Variants in ZNF732 observed in about 807,000 individuals in gnomAD.
ZNF732 encodes zinc finger protein 732, also known as zinc finger protein LOC654254.
A neutral mutation model predicts 11.5 loss-of-function variants in ZNF732; 12 were observed. The observed-to-expected ratio is 1.05, with a 90% CI of 0.67 to 1.70. The LOEUF (loss-of-function observed/expected upper bound fraction) is 1.70, where lower values mean the gene tolerates loss of function less well. Ranked by LOEUF, ZNF732 falls within the 40% of genes most tolerant of loss-of-function variation. The pLI, the probability that ZNF732 is intolerant of heterozygous loss-of-function variation, is 0.00. For missense variants in ZNF732, 702 were observed against 676.9 expected (o/e 1.04, Z -0.41); for synonymous variants, 231 against 236.5 (o/e 0.98, Z 0.21).
Position 274,863 on chromosome 4 carries a change from G to A in ZNF732, c.227-2233C>T, listed in dbSNP as rs188227685. On this transcript the variant is annotated intron_variant, in intron 3 of 3. Transcript: ENST00000419098. ...TAATGACAAACATGTCTATACATAC[G>A]TTAATATGTGTGTGTGTCTCCCCCA... 1.2e-3 allele frequency among the ~76,000 whole-genome samples: 175 copies of A among 151,720 alleles called. 2 individuals are homozygous for A. The highest frequency in any genetic ancestry group is 4.0e-3 in the African/African-American group (166 of 41,526).
intron 3 of ZNF732, among the ~76,000 whole-genome samples, chr4:291,817 T>G (rs1719847297): frequency 6.6e-6 from 1 of 152,128 alleles, no homozygotes; most frequent in Non-Finnish European, 1.5e-5. Flanking sequence ...ATTTTAAACT[T>G]TATTTAAAGG....
chr4:270,729 G>A lies in ZNF732; in HGVS notation c.*370C>T. 1 of 427,980 alleles carries A rather than the reference G, an allele frequency of 2.3e-6. No individual in the cohort carries two copies. Among genetic ancestry groups the A allele is most frequent in the Non-Finnish European group, 4.5e-6 (1 of 221,458 alleles). The allele number at this position is 427,980 out of a possible 1,614,324, so 26.5% of individuals were successfully genotyped here. A position where few individuals can be genotyped will look rare whatever the true frequency, so the allele number is the denominator to read the frequency against. ...TTTTCTCATGTTTATTTATGGGTGA[G>A]GACCGTTTATAGGCTTTCCCACATT... On this transcript the variant is annotated 3_prime_UTR_variant, in exon 4 of 4. Coordinates refer to ENST00000419098, the MANE Select transcript of ZNF732 (RefSeq NM_001137608.3).
intron 3 of ZNF732, among the ~76,000 whole-genome samples, chr4:288,760 T>C (rs1553840968): frequency 2.9e-4 from 44 of 152,278 alleles, no homozygotes. Context: ...AAAAATATTT[T>C]TCCAAAAAGT....
rs1719946138 is a variant in ZNF732 at position 296,093 on chromosome 4, G to A, written c.66C>T (p.Asp22=). The A allele has an allele frequency of 1.2e-6, 2 of 1,613,848 alleles. No individual in the cohort carries two copies. The highest frequency in any genetic ancestry group is 8.5e-7 in the Non-Finnish European group (1 of 1,179,922). Residue 22 remains aspartate, a synonymous_variant, in exon 2 of 4, where the codon GAC becomes GAT. Transcript: ENST00000419098. ...EFSPEEWKCL[D]PAQQNLYRDV... ...CTCTATACAAATTCTGCTGGGCAGG[G>A]TCCAGGCATTTCCACTCTTCTGGAG...
chr4:271,963 T>C lies in ZNF732; in HGVS notation c.894A>G (p.Lys298=). The change falls in exon 4 of 4, where the codon AAA becomes AAG. Residue 298 remains lysine, a synonymous_variant. Transcript: ENST00000419098. ...TSSSNVAKHK[K]IHTGEKLYKC... ...TGTAGAGTTTCTCTCCGGTATGAAT[T>C]TTCTTATGTTTGGCAACATTTGAGG... The C allele has an allele frequency of 6.2e-7, 1 of 1,607,076 alleles. No individual in the cohort carries two copies. The highest frequency in any genetic ancestry group is 8.5e-7 in the Non-Finnish European group (1 of 1,176,438).
intron 3 of ZNF732, among the ~76,000 whole-genome samples, chr4:289,060 A>G (rs1403858411): frequency 6.6e-6 from 1 of 152,256 alleles, no homozygotes; most frequent in Non-Finnish European, 1.5e-5. Flanking sequence ...GGAGGCCCCA[A>G]AAAGCTTCCA....
At chr4:303,900 G>C (rs1720171767) in intron 1 of ZNF732, among the ~76,000 whole-genome samples, 1 of 152,196 alleles carries the variant, frequency 6.6e-6, no homozygotes, top group African/African-American at 2.4e-5. Flanking sequence ...GGTGGGGACA[G>C]GGCAGGACTG....
At position 272,168 on chromosome 4, in the gene ZNF732, T is replaced by C. The variant is rs1207478612; in HGVS notation, c.689A>G (p.Asn230Ser). Residue 230 changes from asparagine (N) to serine (S), a missense_variant, in exon 4 of 4, where the codon AAC becomes AGC. Around this residue, in one of 3 missense-constraint regions of ZNF732, gnomAD observed 596 missense variants for 557.9 expected, o/e 1.07. Coordinates refer to ENST00000419098, the MANE Select transcript of ZNF732 (RefSeq NM_001137608.3). The part of the protein sequence containing the change: ...EKPFTCEECG[N>S]IFTTSSNFAK... ...AAAGTTTGAGGATGTGGTAAAGATGTTGCCACATTCTTCACATGTGAAGGG... is the reference window on the plus strand; with the variant it reads ...AAAGTTTGAGGATGTGGTAAAGATGCTGCCACATTCTTCACATGTGAAGGG... 6 of 1,613,422 alleles carry C rather than the reference T, an allele frequency of 3.7e-6. No individual in the cohort carries two copies. The Admixed American group carries it at 5.0e-5, about 13-fold the overall frequency.
intron 3 of ZNF732, among the ~76,000 whole-genome samples, chr4:278,222 C>A (rs1553839065): frequency 1.3e-5 from 2 of 152,022 alleles, no homozygotes; most frequent in Non-Finnish European, 1.5e-5. Context: ...TTTTTGAATA[C>A]AACATCAAAG....
At position 271,004 on chromosome 4, in the gene ZNF732, TC is replaced by T. The variant is rs1719339773; in HGVS notation, c.*94del. ...GGACCATCCAAAAGCTTTGCCACAT[TC>T]TTCACATTTGTATAGTTTATTTCCA... On this transcript the variant is annotated 3_prime_UTR_variant, in exon 4 of 4. Transcript: ENST00000419098. The T allele has an allele frequency of 1.8e-6, 2 of 1,089,868 alleles. No individual in the cohort carries two copies. Among genetic ancestry groups the T allele is most frequent in the Admixed American group, 2.5e-5 (1 of 40,182 alleles). 67.5% of individuals were successfully genotyped at this position (1,089,868 alleles called of 1,614,324 possible).
chr4:305,072 C>T (rs985657633), intron 1 of ZNF732, among the ~76,000 whole-genome samples: 3 of 152,204 alleles, frequency 2.0e-5, no homozygotes, highest in Admixed American at 1.3e-4. Flanking sequence ...CACCCCACAG[C>T]CCAGGGAAGG....
chr4:304,715 C>G (rs536381771), intron 1 of ZNF732, among the ~76,000 whole-genome samples: 169 of 152,354 alleles, frequency 1.1e-3, no homozygotes, highest in African/African-American at 3.9e-3. Context: ...TGTGCGCGCC[C>G]ACACCAGCGT....
chr4:293,282 G>GTATATATATA (rs139781518), intron 3 of ZNF732, among the ~76,000 whole-genome samples: 3 of 140,264 alleles, frequency 2.1e-5, no homozygotes, highest in African/African-American at 8.0e-5. Context: ...ATATGTATGT[G>GTATATATATA]TATATATATA....
At chr4:303,358 T>C (rs1380804440) in intron 1 of ZNF732, among the ~76,000 whole-genome samples, 4 of 152,160 alleles carry the variant, frequency 2.6e-5, no homozygotes, top group South Asian at 2.1e-4. Flanking sequence ...CATCTCAAAG[T>C]GTGGCGTTTT....
At chr4:289,438 T>C (rs1719796121) in intron 3 of ZNF732, among the ~76,000 whole-genome samples, 1 of 152,276 alleles carries the variant, frequency 6.6e-6, no homozygotes, top group South Asian at 2.1e-4. Context: ...GCTCTCCATC[T>C]TGATTTATGC....
At chr4:273,743 C>CA (rs1378571413) in intron 3 of ZNF732, among the ~76,000 whole-genome samples, 1 of 151,776 alleles carries the variant, frequency 6.6e-6, no homozygotes, top group Non-Finnish European at 1.5e-5. Context: ...TCAAAAACGA[C>CA]ATCTTAGGAG....
At chr4:287,318 G>A (rs1344318119) in intron 3 of ZNF732, among the ~76,000 whole-genome samples, 1 of 151,314 alleles carries the variant, frequency 6.6e-6, no homozygotes, top group South Asian at 2.1e-4. Context: ...GGGTTGAGGT[G>A]ATTCTCCTGC....
At position 271,149 on chromosome 4, in the gene ZNF732, A is replaced by C. The variant is rs1553837195; in HGVS notation, c.1708T>G (p.Ser570Ala). 1.3e-6 allele frequency: 2 copies of C among 1,543,678 alleles called. No homozygotes were observed. Among genetic ancestry groups the C allele is most frequent in the Non-Finnish European group, 1.7e-6 (2 of 1,144,800 alleles). ...CKGCGKAFKWSSYLNQHNKIY... is the reference protein window; with the variant it reads ...CKGCGKAFKWASYLNQHNKIY... ...TTATTATGTTGATTAAGGTATGAGG[A>C]CCACTTAAAGGCTTTGCCACATCCT... The change falls in exon 4 of 4, where the codon TCC becomes GCC. Residue 570 changes from serine (S) to alanine (A), a missense_variant. Physicochemically the swap from Ser to Ala is moderately conservative, Grantham distance 99. This residue lies in a region of ZNF732 where 94 missense variants were observed against 87.5 expected (regional missense o/e 1.07). Coordinates refer to ENST00000419098, the MANE Select transcript of ZNF732 (RefSeq NM_001137608.3).
chr4:273,870 A>G (rs1210635008), intron 3 of ZNF732, among the ~76,000 whole-genome samples: 3 of 147,566 alleles, frequency 2.0e-5, no homozygotes, highest in East Asian at 2.0e-4. Flanking sequence ...GGTGCTAGGA[A>G]AAAAAAAAAA....
Sources: gnomAD v4.1 joint callset for allele counts (sites outside exome capture counted in the v4.1 genomes callset) on GRCh38, gnomAD v4.1.1 for gene constraint, gnomAD v4.1.1 regional missense constraint, MANE v1.5 for transcripts, NCBI Gene and HGNC (gene_info 2026-07-23, HGNC 2026-07-21) for gene names.